RANBP9: variants seen among roughly 807,000 people sequenced by gnomAD.
The protein encoded by RANBP9 is ran-binding protein 9.
A neutral mutation model predicts 84.3 loss-of-function variants in RANBP9; 15 were observed. The observed-to-expected ratio is 0.18, with a 90% CI of 0.12 to 0.27. The LOEUF is 0.27. Among genes scored for constraint, RANBP9 ranks in the 10% least tolerant of loss-of-function variants. The probability of loss-of-function intolerance (pLI) is 1.00; values close to 1 mark genes in which losing one functional copy is unlikely to be tolerated. For missense variants in RANBP9, 809 were observed against 912.8 expected (o/e 0.89, Z 1.46); for synonymous variants, 392 against 349.6 (o/e 1.12, Z -1.35).
At chr6:13,647,195 T>C (rs1232242575) in intron 5 of RANBP9, among the ~76,000 whole-genome samples, 2 of 152,168 alleles carry the variant, frequency 1.3e-5, no homozygotes, top group Non-Finnish European at 2.9e-5. Flanking sequence ...CAAAGATATG[T>C]CTTGTAGCAT....
At chr6:13,691,038 A>T (rs1342298626) in intron 2 of RANBP9, among the ~76,000 whole-genome samples, 5 of 151,942 alleles carry the variant, frequency 3.3e-5, no homozygotes, top group South Asian at 2.1e-4. Flanking sequence ...GCGGTGGGGC[A>T]TACCTGTAAT....
chr6:13,641,156 TTATAATA>T (rs762601683), intron 8 of RANBP9, 36 bp downstream of exon 8: 66 of 1,179,306 alleles, frequency 5.6e-5, no homozygotes, highest in South Asian at 4.4e-4. Flanking sequence ...TGACAAATAT[TTATAATA>T]TATAACAAAT....
chr6:13,696,833 C>T lies in RANBP9; in HGVS notation c.635G>A (p.Cys212Tyr). 1 of 1,613,266 alleles carries T rather than the reference C, an allele frequency of 6.2e-7. No individual in the cohort carries two copies. Among genetic ancestry groups the T allele is most frequent in the Non-Finnish European group, 8.5e-7 (1 of 1,179,494 alleles). ...VRATHPIPAA[C>Y]GIYYFEVKIV... ...TTTTACTTCAAAATAATAAATCCCA[C>T]AGGCTGCTGGTATTGGATGCGTGGC... The change falls in exon 2 of 14, where the codon TGT becomes TAT. Residue 212 changes from cysteine (C) to tyrosine (Y), a missense_variant. Cys to Tyr is a radical substitution (Grantham distance 194). This residue lies in a region of RANBP9 where 56 missense variants were observed against 88.2 expected (regional missense o/e 0.63). Transcript: ENST00000011619.
At chr6:13,707,004 T>C (rs1758145192) in intron 1 of RANBP9, among the ~76,000 whole-genome samples, 1 of 77,710 alleles carries the variant, frequency 1.3e-5, no homozygotes. Context: ...AGACTCTGTC[T>C]CAAAAAAAAA....
chr6:13,653,739 T>A (rs1168306155), intron 4 of RANBP9, among the ~76,000 whole-genome samples: 7 of 152,152 alleles, frequency 4.6e-5, no homozygotes, highest in Admixed American at 1.3e-4. Context: ...TTTAAAATAA[T>A]GTGTAAAATT....
intron 3 of RANBP9, among the ~76,000 whole-genome samples, chr6:13,658,311 T>C (rs897143935): frequency 7.2e-5 from 11 of 152,162 alleles, no homozygotes; most frequent in Non-Finnish European, 1.0e-4. Flanking sequence ...TTAAATTTAT[T>C]AAAAACCGCT....
At chr6:13,704,206 C>CT (rs1383519403) in intron 1 of RANBP9, among the ~76,000 whole-genome samples, 1 of 152,192 alleles carries the variant, frequency 6.6e-6, no homozygotes, top group Non-Finnish European at 1.5e-5. Context: ...CCTCTTGAAT[C>CT]TATCTTCCAA....
chr6:13,641,132 T>A, intron 8 of RANBP9, 67 bp downstream of exon 8: 2 of 1,038,588 alleles, frequency 1.9e-6, no homozygotes, highest in Non-Finnish European at 2.7e-6. Flanking sequence ...GAAAATGTCT[T>A]TTATTACATA....
At chr6:13,628,469 TAAA>T (rs1364687047) in intron 12 of RANBP9, among the ~76,000 whole-genome samples, 1 of 152,130 alleles carries the variant, frequency 6.6e-6, no homozygotes, top group Non-Finnish European at 1.5e-5. Context: ...AAAAACATAC[TAAA>T]AAGCTTCAAG....
intron 2 of RANBP9, among the ~76,000 whole-genome samples, chr6:13,659,257 T>TACACACACACACACACAC (rs60255234): frequency 3.8e-5 from 5 of 130,558 alleles, no homozygotes; most frequent in Admixed American, 7.4e-5. Flanking sequence ...CACACACACA[T>TACACACACACACACACAC]ACACACACAC....
At chr6:13,667,319 T>G (rs1397023129) in intron 2 of RANBP9, among the ~76,000 whole-genome samples, 2 of 152,232 alleles carry the variant, frequency 1.3e-5, no homozygotes, top group Non-Finnish European at 2.9e-5. Context: ...TTCTTATTTT[T>G]GTTTTATGGC....
chr6:13,638,547 G>C (rs923597645), intron 9 of RANBP9, among the ~76,000 whole-genome samples: 1 of 151,922 alleles, frequency 6.6e-6, no homozygotes, highest in Non-Finnish European at 1.5e-5. Context: ...AAATAAATCT[G>C]TGGCTGGGCA....
chr6:13,646,299 C>T (rs1455324485), intron 5 of RANBP9, among the ~76,000 whole-genome samples: 1 of 152,142 alleles, frequency 6.6e-6, no homozygotes, highest in Non-Finnish European at 1.5e-5. Context: ...ATCCCAGCTA[C>T]TCGGGAGGCT....
chr6:13,680,332 G>A (rs1457076413), intron 2 of RANBP9, among the ~76,000 whole-genome samples: 1 of 152,068 alleles, frequency 6.6e-6, no homozygotes, highest in Non-Finnish European at 1.5e-5. Context: ...CCAAGACATA[G>A]TCAAGTAATG....
At chr6:13,667,998 T>C (rs1393271676) in intron 2 of RANBP9, among the ~76,000 whole-genome samples, 1 of 151,826 alleles carries the variant, frequency 6.6e-6, no homozygotes, top group Non-Finnish European at 1.5e-5. Context: ...TTATAAAGAT[T>C]AGGGGAGAAA....
chr6:13,638,558 C>T (rs1374025127), intron 9 of RANBP9, among the ~76,000 whole-genome samples: 3 of 151,842 alleles, frequency 2.0e-5, no homozygotes, highest in Admixed American at 2.0e-4. Context: ...TGGCTGGGCA[C>T]GGTAGCTCAC....
intron 2 of RANBP9, among the ~76,000 whole-genome samples, chr6:13,667,295 T>A (rs1765673103): frequency 1.3e-5 from 2 of 152,220 alleles, no homozygotes; most frequent in Admixed American, 6.5e-5. Flanking sequence ...CATCTTTTTC[T>A]GTGTTCTTTT....
intron 5 of RANBP9, among the ~76,000 whole-genome samples, chr6:13,651,764 TA>T (rs2127768670): frequency 6.6e-6 from 1 of 152,156 alleles, no homozygotes; most frequent in East Asian, 1.9e-4. Context: ...TCATGACAAA[TA>T]AAAGTCCACA....
chr6:13,703,765 T>A (rs918713053), intron 1 of RANBP9, among the ~76,000 whole-genome samples: 3 of 152,168 alleles, frequency 2.0e-5, no homozygotes, highest in East Asian at 3.9e-4. Context: ...AGAATAGAAT[T>A]AAGTCATGAC....
Sources: gnomAD v4.1 joint callset for allele counts (sites outside exome capture counted in the v4.1 genomes callset) on GRCh38, gnomAD v4.1.1 for gene constraint, gnomAD v4.1.1 regional missense constraint, MANE v1.5 for transcripts, NCBI Gene and HGNC (gene_info 2026-07-23, HGNC 2026-07-21) for gene names.